PRLR: variants seen among roughly 807,000 people sequenced by gnomAD.
The protein encoded by PRLR is prolactin receptor, also known as hPRL receptor.
A neutral mutation model predicts 40.2 loss-of-function variants in PRLR; 13 were observed. That is an observed-to-expected ratio of 0.32 (90% CI 0.21 to 0.51). PRLR has a LOEUF of 0.51. PRLR is among the 20% of genes least tolerant of loss of function. PRLR has a pLI of 0.97. For synonymous variants in PRLR, 269 were observed against 278.7 expected, an observed-to-expected ratio of 0.97 and a Z score of 0.35; for missense variants, 656 against 747.3, an observed-to-expected ratio of 0.88 and a Z score of 1.42.
intron 1 of PRLR, among the ~76,000 whole-genome samples, chr5:35,191,691 G>C (rs1414334173): frequency 6.6e-6 from 1 of 152,120 alleles, no homozygotes; most frequent in Non-Finnish European, 1.5e-5. Context: ...TTCTGTTCTG[G>C]TTAGCACTCA....
chr5:35,213,190 A>T (rs1006887326), intron 1 of PRLR, among the ~76,000 whole-genome samples: 1 of 152,234 alleles, frequency 6.6e-6, no homozygotes, highest in Non-Finnish European at 1.5e-5. Flanking sequence ...TTGTAAAAGG[A>T]GATCCCCATG....
chr5:35,172,732 C>G (rs1201676326), intron 1 of PRLR, among the ~76,000 whole-genome samples: 1 of 152,204 alleles, frequency 6.6e-6, no homozygotes. Context: ...AGCTCCCTGT[C>G]CTCCCACCAG....
At chr5:35,084,405 GA>G in intron 5 of PRLR, 64 bp downstream of exon 5, 6 of 1,424,264 alleles carry the variant, frequency 4.2e-6, no homozygotes, top group Non-Finnish European at 5.6e-6. Flanking sequence ...GACTCAAACT[GA>G]GTGTGACTAT....
chr5:35,115,369 C>A (rs1330066190), intron 2 of PRLR, among the ~76,000 whole-genome samples: 2 of 152,154 alleles, frequency 1.3e-5, no homozygotes, highest in Non-Finnish European at 2.9e-5. Context: ...AGGCCTTTCT[C>A]CCTTAGGTAC....
chr5:35,135,529 T>C (rs1773829648), intron 1 of PRLR: 1 of 152,452 alleles, frequency 6.6e-6, no homozygotes, highest in Non-Finnish European at 1.5e-5. Context: ...CTGCTTTGAG[T>C]CCTGACCCTT....
intron 1 of PRLR, among the ~76,000 whole-genome samples, chr5:35,218,430 A>G (rs112815964): frequency 0.016 from 2,396 of 152,328 alleles, 68 homozygotes; most frequent in African/African-American, 0.055. Flanking sequence ...CATATAATAT[A>G]GAAGACAAAT....
intron 4 of PRLR, among the ~76,000 whole-genome samples, chr5:35,085,092 G>C (rs1770764073): frequency 6.6e-6 from 1 of 152,126 alleles, no homozygotes; most frequent in South Asian, 2.1e-4. Flanking sequence ...TTTAAAAAAG[G>C]GTTCAAGAGG....
At chr5:35,073,822 C>T (rs553754910) in intron 5 of PRLR, among the ~76,000 whole-genome samples, 1 of 152,078 alleles carries the variant, frequency 6.6e-6, no homozygotes, top group Non-Finnish European at 1.5e-5. Context: ...CTGGGGAATG[C>T]AAATCAAAAC....
intron 1 of PRLR, among the ~76,000 whole-genome samples, chr5:35,225,091 TC>T (rs1379317830): frequency 6.6e-6 from 1 of 152,192 alleles, no homozygotes. Flanking sequence ...GCTCTAGTTG[TC>T]TCCTCGTCTG....
At chr5:35,109,060 C>G (rs1772469755) in intron 2 of PRLR, among the ~76,000 whole-genome samples, 1 of 152,080 alleles carries the variant, frequency 6.6e-6, no homozygotes, top group Admixed American at 6.6e-5. Context: ...ATAAATAATA[C>G]CACGCATCTA....
At chr5:35,153,994 T>G (rs2111875413) in intron 1 of PRLR, among the ~76,000 whole-genome samples, 1 of 152,278 alleles carries the variant, frequency 6.6e-6, no homozygotes, top group East Asian at 1.9e-4. Context: ...TCGCACAAAA[T>G]AGATGATTCC....
intron 1 of PRLR, among the ~76,000 whole-genome samples, chr5:35,229,464 A>G (rs1255346991): frequency 6.6e-6 from 1 of 152,128 alleles, no homozygotes. Context: ...TTTTCTACTC[A>G]AAGAGCCAGA....
At chr5:35,179,279 G>A (rs990244984) in intron 1 of PRLR, among the ~76,000 whole-genome samples, 6 of 152,194 alleles carry the variant, frequency 3.9e-5, no homozygotes, top group South Asian at 2.1e-4. Context: ...TTTGCCACGC[G>A]AAGCCTTGTT....
chr5:35,104,056 C>T (rs1335957151), intron 2 of PRLR, among the ~76,000 whole-genome samples: 2 of 151,992 alleles, frequency 1.3e-5, no homozygotes, highest in Admixed American at 6.6e-5. Context: ...ACTTTTATAT[C>T]CCGTACAGTT....
chr5:35,081,796 C>CAA (rs1770539016), intron 5 of PRLR: 1 of 151,410 alleles, frequency 6.6e-6, no homozygotes, highest in Non-Finnish European at 1.4e-5. Context: ...CACACACACA[C>CAA]ACACACACAC....
chr5:35,087,079 C>T (rs1266910764), intron 3 of PRLR, among the ~76,000 whole-genome samples: 1 of 152,050 alleles, frequency 6.6e-6, no homozygotes, highest in Non-Finnish European at 1.5e-5. Context: ...CTGCAACCTC[C>T]ACCTCCTGGG....
Position 35,143,095 on chromosome 5 carries a change from T to A in PRLR, c.-105-24973A>T, listed in dbSNP as rs566311419. On this transcript the variant is annotated intron_variant, in intron 1 of 9. Coordinates refer to ENST00000618457, the MANE Select transcript of PRLR (RefSeq NM_000949.7). ...AGTCTAAAAACAACAAAATAAAAAA[T>A]ACAAAAAAGTTATGATTATGCAAAT... Among the ~76,000 whole-genome samples, 10 of 151,954 alleles carry A rather than the reference T, an allele frequency of 6.6e-5. No homozygotes were observed. The South Asian group carries it at 1.1e-3, about 16-fold the overall frequency.
chr5:35,207,779 C>T (rs1776060659), intron 1 of PRLR, among the ~76,000 whole-genome samples: 1 of 152,142 alleles, frequency 6.6e-6, no homozygotes, highest in African/African-American at 2.4e-5. Flanking sequence ...TGCATATACA[C>T]ACACGTATGC....
chr5:35,226,811 G>A (rs1776565124), intron 1 of PRLR, among the ~76,000 whole-genome samples: 1 of 152,110 alleles, frequency 6.6e-6, no homozygotes, highest in African/African-American at 2.4e-5. Context: ...TTGTTCACCC[G>A]ACTGTTTTCT....
Sources: gnomAD v4.1 joint callset for allele counts (sites outside exome capture counted in the v4.1 genomes callset) on GRCh38, gnomAD v4.1.1 for gene constraint, MANE v1.5 for transcripts, NCBI Gene and HGNC (gene_info 2026-07-23, HGNC 2026-07-21) for gene names.